TMEM163: variants seen among roughly 807,000 people sequenced by gnomAD.
TMEM163 encodes the protein transmembrane protein 163.
Under a neutral mutation model 29.3 loss-of-function variants are expected in TMEM163, and 17 were observed. The ratio of observed to expected loss-of-function variants is 0.58; its 90% confidence interval spans 0.40 to 0.87. The LOEUF is 0.87. Ranked by LOEUF, TMEM163 falls within the 40% of genes least tolerant of loss-of-function variation. The pLI is 0.00. For missense variants in TMEM163, 303 were observed against 381.5 expected, an observed-to-expected ratio of 0.79 and a Z score of 1.71; for synonymous variants, 157 against 160.6, an observed-to-expected ratio of 0.98 and a Z score of 0.17.
At chr2:134,657,809 TA>T (rs1558981452) in intron 2 of TMEM163, among the ~76,000 whole-genome samples, 2 of 111,090 alleles carry the variant, frequency 1.8e-5, no homozygotes, top group African/African-American at 1.0e-4. Flanking sequence ...ATCTCAAAAA[TA>T]AAAAATAAAA....
chr2:134,520,618 C>G (rs1293797109), intron 4 of TMEM163, among the ~76,000 whole-genome samples: 1 of 152,246 alleles, frequency 6.6e-6, no homozygotes, highest in African/African-American at 2.4e-5. Flanking sequence ...AACACACAAA[C>G]ACTTCTTGTT....
At chr2:134,614,006 T>C (rs1189845378) in intron 2 of TMEM163, among the ~76,000 whole-genome samples, 2 of 152,084 alleles carry the variant, frequency 1.3e-5, no homozygotes, top group East Asian at 1.9e-4. Context: ...AAGGAAAATG[T>C]CCCAATAGCC....
At chr2:134,539,781 T>C (rs1455190452) in intron 4 of TMEM163, among the ~76,000 whole-genome samples, 1 of 152,232 alleles carries the variant, frequency 6.6e-6, no homozygotes, top group Non-Finnish European at 1.5e-5. Context: ...TGCCATGCTC[T>C]GAGCCTAAAA....
intron 2 of TMEM163, among the ~76,000 whole-genome samples, chr2:134,572,812 G>C (rs1681464082): frequency 6.6e-6 from 1 of 152,214 alleles, no homozygotes. Flanking sequence ...AAGGAGGCCT[G>C]TACAGCCCTG....
intron 2 of TMEM163, among the ~76,000 whole-genome samples, chr2:134,621,216 C>A (rs2104824980): frequency 6.6e-6 from 1 of 152,240 alleles, no homozygotes; most frequent in African/African-American, 2.4e-5. Flanking sequence ...GGCTAATAAG[C>A]ACATGAAGAG....
At chr2:134,620,060 C>G (rs1399879165) in intron 2 of TMEM163, among the ~76,000 whole-genome samples, 46 of 152,120 alleles carry the variant, frequency 3.0e-4, no homozygotes, top group Admixed American at 3.0e-3. Context: ...CATCCAGTAA[C>G]ATGGCAATAA....
chr2:134,497,265 C>A (rs986442661), intron 5 of TMEM163, among the ~76,000 whole-genome samples: 1 of 152,206 alleles, frequency 6.6e-6, no homozygotes, highest in Non-Finnish European at 1.5e-5. Flanking sequence ...TGCTATTTGA[C>A]TCTGAATCCC....
At chr2:134,459,124 C>G (rs1458399030) in intron 6 of TMEM163, 1 of 152,306 alleles carries the variant, frequency 6.6e-6, no homozygotes, top group Admixed American at 6.5e-5. Context: ...CAAGGAGGCC[C>G]TGCTGGTAGG....
intron 2 of TMEM163, among the ~76,000 whole-genome samples, chr2:134,619,733 G>C (rs1362122010): frequency 1.3e-5 from 2 of 152,192 alleles, no homozygotes; most frequent in Non-Finnish European, 1.5e-5. Flanking sequence ...GTAAGCAAAA[G>C]CAATTAAAGG....
chr2:134,643,216 T>G (rs1683259741), intron 2 of TMEM163, among the ~76,000 whole-genome samples: 1 of 152,150 alleles, frequency 6.6e-6, no homozygotes, highest in Non-Finnish European at 1.5e-5. Context: ...AACAACTTTA[T>G]GTACCTGAAT....
intron 2 of TMEM163, among the ~76,000 whole-genome samples, chr2:134,592,350 T>G (rs1412263750): frequency 6.6e-6 from 1 of 152,162 alleles, no homozygotes; most frequent in Admixed American, 6.5e-5. Flanking sequence ...TCTTTACAGA[T>G]GCAAATTTCC....
At chr2:134,591,096 G>A (rs1481886776) in intron 2 of TMEM163, among the ~76,000 whole-genome samples, 1 of 152,210 alleles carries the variant, frequency 6.6e-6, no homozygotes, top group Non-Finnish European at 1.5e-5. Context: ...CCAGAAATCT[G>A]TGCCTTATGC....
chr2:134,490,976 GA>G lies in TMEM163; in HGVS notation c.555+11924del, dbSNP rs202125790. ...TCATATTATACTTAGGAAACTCAAT[GA>G]AAAAAAATATTTTCCTTAAACTGTT... On this transcript the variant is annotated intron_variant, in intron 5 of 7. Transcript: ENST00000281924. Among the ~76,000 whole-genome samples, 730 of 151,958 alleles carry G rather than the reference GA, an allele frequency of 4.8e-3. 3 individuals carry two copies. Among genetic ancestry groups the G allele is most frequent in the African/African-American group, 0.017 (696 of 41,438 alleles).
At chr2:134,470,677 CAA>C (rs1686779462) in intron 5 of TMEM163, among the ~76,000 whole-genome samples, 1 of 152,160 alleles carries the variant, frequency 6.6e-6, no homozygotes, top group East Asian at 1.9e-4. Flanking sequence ...CGGAGGAACC[CAA>C]GGAGGATCCA....
At chr2:134,526,246 A>C (rs971153292) in intron 4 of TMEM163, among the ~76,000 whole-genome samples, 5 of 152,236 alleles carry the variant, frequency 3.3e-5, no homozygotes, top group African/African-American at 1.2e-4. Flanking sequence ...TTTTAATAAA[A>C]GAAAAGGGAG....
rs1316076789 is a variant in TMEM163 at position 134,687,522 on chromosome 2, C to T, written c.322+25678G>A. 5.3e-5 allele frequency among the ~76,000 whole-genome samples: 8 copies of T among 152,294 alleles called. No homozygotes were observed. In the South Asian group the frequency reaches 1.7e-3, roughly 32 times the overall value. ...CAATTTCAACAATGTCATGAAAATG[C>T]TGAACATCAGAGGCCTCTCTAAAAG... On this transcript the variant is annotated intron_variant, in intron 2 of 7. Coordinates refer to ENST00000281924, the MANE Select transcript of TMEM163 (RefSeq NM_030923.5).
intron 2 of TMEM163, among the ~76,000 whole-genome samples, chr2:134,586,787 A>G (rs1365910243): frequency 1.3e-5 from 2 of 152,190 alleles, no homozygotes; most frequent in African/African-American, 2.4e-5. Context: ...GTGGGCTGTT[A>G]TTGACATCTG....
chr2:134,616,951 C>T (rs1168464308), intron 2 of TMEM163, among the ~76,000 whole-genome samples: 2 of 152,136 alleles, frequency 1.3e-5, no homozygotes, highest in Non-Finnish European at 2.9e-5. Flanking sequence ...CCAAGGGAAG[C>T]TTAAGGAAAA....
intron 4 of TMEM163, among the ~76,000 whole-genome samples, chr2:134,511,938 T>A (rs1039963560): frequency 3.3e-5 from 5 of 152,220 alleles, no homozygotes; most frequent in African/African-American, 1.2e-4. Context: ...AGTGAACAGC[T>A]TTTGCTGAAC....
Sources: allele counts gnomAD v4.1 joint callset (sites outside exome capture counted in the v4.1 genomes callset), GRCh38; gene constraint gnomAD v4.1.1; transcripts MANE v1.5; gene names NCBI Gene and HGNC (gene_info 2026-07-23, HGNC 2026-07-21).